Variants in NKAIN3 observed in about 807,000 individuals in gnomAD.
NKAIN3 encodes sodium/potassium-transporting ATPase subunit beta-1-interacting protein 3.
A neutral mutation model predicts 30.2 loss-of-function variants in NKAIN3; 25 were observed. The ratio of observed to expected loss-of-function variants is 0.83; its 90% CI spans 0.60 to 1.16. NKAIN3 has a LOEUF of 1.16. NKAIN3 is among the 50% of genes most tolerant of loss of function. The pLI, the probability that NKAIN3 is intolerant of heterozygous loss-of-function variation, is 0.00. For missense variants in NKAIN3, 225 were observed against 254.1 expected (o/e 0.89, Z 0.78); for synonymous variants, 91 against 89.6 (o/e 1.02, Z -0.09).
intron 1 of NKAIN3, among the ~76,000 whole-genome samples, chr8:62,306,717 T>C (rs1168202969): frequency 6.7e-6 from 1 of 150,076 alleles, no homozygotes; most frequent in Admixed American, 6.6e-5. Flanking sequence ...AATCATAGGT[T>C]TGGCCAAAGA....
chr8:62,502,949 A>G (rs7460329), intron 1 of NKAIN3, among the ~76,000 whole-genome samples: 1 of 151,956 alleles, frequency 6.6e-6, no homozygotes, highest in Non-Finnish European at 1.5e-5. Flanking sequence ...TGAAAACTGC[A>G]AAACAGGTCC....
intron 3 of NKAIN3, among the ~76,000 whole-genome samples, chr8:62,601,722 C>T (rs1201307801): frequency 3.3e-5 from 5 of 151,934 alleles, no homozygotes; most frequent in Non-Finnish European, 7.4e-5. Context: ...TAAATGAGAA[C>T]AAAAGCCTGA....
intron 4 of NKAIN3, among the ~76,000 whole-genome samples, chr8:62,902,690 A>C (rs547016785): frequency 6.6e-6 from 1 of 152,182 alleles, no homozygotes; most frequent in Non-Finnish European, 1.5e-5. Context: ...TAAATATTAG[A>C]TGGAACTTTT....
intron 1 of NKAIN3, among the ~76,000 whole-genome samples, chr8:62,311,735 C>T (rs1197674100): frequency 2.0e-5 from 3 of 150,546 alleles, no homozygotes; most frequent in African/African-American, 7.5e-5. Flanking sequence ...GCGTGGGGTG[C>T]TCCTGTGTGT....
chr8:62,551,764 A>G (rs1386787667), intron 1 of NKAIN3, among the ~76,000 whole-genome samples: 1 of 152,226 alleles, frequency 6.6e-6, no homozygotes, highest in Admixed American at 6.5e-5. Context: ...TCAGGTGGGA[A>G]ATATGCAAAA....
At chr8:62,489,875 A>T (rs546219138) in intron 1 of NKAIN3, among the ~76,000 whole-genome samples, 8 of 152,326 alleles carry the variant, frequency 5.3e-5, no homozygotes, top group Non-Finnish European at 1.0e-4. Flanking sequence ...AGGTCACGAC[A>T]CCAAAGGTCT....
intron 1 of NKAIN3, among the ~76,000 whole-genome samples, chr8:62,533,184 A>G (rs895309528): frequency 7.2e-5 from 11 of 152,228 alleles, no homozygotes; most frequent in African/African-American, 2.7e-4. Context: ...ACTGTAAGTT[A>G]CAGTTTGATT....
intron 1 of NKAIN3, among the ~76,000 whole-genome samples, chr8:62,388,771 G>A (rs186898023): frequency 1.1e-3 from 164 of 152,306 alleles, no homozygotes; most frequent in African/African-American, 3.9e-3. Context: ...TTGCTGTCGG[G>A]TCTCTGGGAT....
chr8:62,278,137 ACT>A, intron 1 of NKAIN3, among the ~76,000 whole-genome samples: 1 of 152,168 alleles, frequency 6.6e-6, no homozygotes, highest in South Asian at 2.1e-4. Flanking sequence ...CTGGATTGAG[ACT>A]CTGTGGAGCC....
chr8:62,358,417 C>T (rs987687270), intron 1 of NKAIN3, among the ~76,000 whole-genome samples: 1 of 152,046 alleles, frequency 6.6e-6, no homozygotes, highest in Non-Finnish European at 1.5e-5. Flanking sequence ...TGATAAGGTA[C>T]AAAATGCTAC....
At chr8:62,660,675 T>C (rs1014764064) in intron 3 of NKAIN3, among the ~76,000 whole-genome samples, 8 of 152,158 alleles carry the variant, frequency 5.3e-5, no homozygotes, top group Admixed American at 3.9e-4. Flanking sequence ...AAGTCAAAGG[T>C]AGTTAGATAT....
intron 4 of NKAIN3, among the ~76,000 whole-genome samples, chr8:62,860,747 G>A (rs190208355): frequency 6.6e-6 from 1 of 152,314 alleles, no homozygotes; most frequent in East Asian, 1.9e-4. Context: ...CTTGACCTTA[G>A]GTTGCAAGTG....
chr8:62,630,583 G>C (rs1324541734), intron 3 of NKAIN3, among the ~76,000 whole-genome samples: 1 of 152,092 alleles, frequency 6.6e-6, no homozygotes, highest in African/African-American at 2.4e-5. Flanking sequence ...AACTGTGATG[G>C]GGTGTGTATC....
chr8:62,401,969 G>A (rs754413728), intron 1 of NKAIN3, among the ~76,000 whole-genome samples: 13 of 152,168 alleles, frequency 8.5e-5, no homozygotes, highest in Non-Finnish European at 8.8e-5. Flanking sequence ...TCTGCTGGTG[G>A]TGAAACCATC....
At chr8:62,649,542 A>G (rs1812563978) in intron 3 of NKAIN3, among the ~76,000 whole-genome samples, 1 of 152,212 alleles carries the variant, frequency 6.6e-6, no homozygotes, top group African/African-American at 2.4e-5. Flanking sequence ...AAGATGCCTA[A>G]TTACTACAGA....
chr8:62,796,587 G>A (rs934614376), intron 4 of NKAIN3, among the ~76,000 whole-genome samples: 1 of 151,902 alleles, frequency 6.6e-6, no homozygotes, highest in African/African-American at 2.4e-5. Context: ...TGTATCCAGA[G>A]ATCTGGATTT....
chr8:62,345,663 G>A (rs552124370), intron 1 of NKAIN3, among the ~76,000 whole-genome samples: 53 of 138,230 alleles, frequency 3.8e-4, no homozygotes, highest in Middle Eastern at 7.9e-3. Context: ...ATATACATAT[G>A]TATACCTGGA....
intron 4 of NKAIN3, among the ~76,000 whole-genome samples, chr8:62,758,757 G>T (rs1816541205): frequency 6.6e-6 from 1 of 152,148 alleles, no homozygotes; most frequent in Non-Finnish European, 1.5e-5. Context: ...TTTAAACCTA[G>T]TTACCTACTT....
At chr8:62,268,067 T>C (rs1001373978) in intron 1 of NKAIN3, among the ~76,000 whole-genome samples, 8 of 152,176 alleles carry the variant, frequency 5.3e-5, no homozygotes, top group African/African-American at 1.9e-4. Context: ...AAATCTCATA[T>C]AGTAAGAAAT....
Sources: allele counts gnomAD v4.1 joint callset (sites outside exome capture counted in the v4.1 genomes callset), GRCh38; gene constraint gnomAD v4.1.1; transcripts MANE v1.5; gene names NCBI Gene and HGNC (gene_info 2026-07-23, HGNC 2026-07-21).